The following LRIG3 variants were observed in gnomAD, a reference collection of about 807,000 sequenced individuals.
The protein encoded by LRIG3 is leucine rich repeats and immunoglobulin like domains 3.
LRIG3 carries 76 observed loss-of-function variants against 114.5 expected under a neutral mutation model. That is an observed-to-expected ratio of 0.66 (90% CI 0.55 to 0.80). The LOEUF (loss-of-function observed/expected upper bound fraction) is 0.80, where lower values mean the gene tolerates loss of function less well. Ranked by LOEUF, LRIG3 falls within the 30% of genes least tolerant of loss-of-function variation. The probability of loss-of-function intolerance (pLI) is 0.00; values close to 1 mark genes in which losing one functional copy is unlikely to be tolerated. For synonymous variants in LRIG3, 512 were observed against 519.8 expected, an observed-to-expected ratio of 0.98 and a Z score of 0.20; for missense variants, 1,239 against 1,382.8, an observed-to-expected ratio of 0.90 and a Z score of 1.65.
chr12:58,887,015 A>T, intron 8 of LRIG3, 125 bp from the exon 9 acceptor site: 1 of 625,830 alleles, frequency 1.6e-6, no homozygotes, highest in Non-Finnish European at 2.8e-6. Flanking sequence ...CCTCTCTCAA[A>T]ATAATAGAAA....
chr12:58,887,054 C>A, intron 8 of LRIG3, 164 bp from the exon 9 acceptor site: 1 of 561,444 alleles, frequency 1.8e-6, no homozygotes, highest in South Asian at 2.5e-5. Context: ...ACCTCTTACA[C>A]CCTGCCTGAT....
intron 3 of LRIG3, among the ~76,000 whole-genome samples, chr12:58,899,894 C>A (rs1871782710): frequency 6.6e-6 from 1 of 152,170 alleles, no homozygotes; most frequent in Admixed American, 6.5e-5. Context: ...CTCCAATCTC[C>A]AGTCTGGTGA....
chr12:58,873,946 C>A, intron 18 of LRIG3, 109 bp downstream of exon 18: 2 of 1,345,744 alleles, frequency 1.5e-6, no homozygotes, highest in Non-Finnish European at 1.0e-6. Context: ...CAGCCTCATT[C>A]AAGAAACCAT....
intron 1 of LRIG3, among the ~76,000 whole-genome samples, chr12:58,918,944 C>T (rs568152846): frequency 1.3e-5 from 2 of 152,318 alleles, no homozygotes; most frequent in East Asian, 3.9e-4. Context: ...TTCTTAAACA[C>T]CTGACCAAAC....
At chr12:58,913,363 T>C (rs1221105888) in intron 3 of LRIG3, 3 of 152,356 alleles carry the variant, frequency 2.0e-5, no homozygotes, top group South Asian at 2.1e-4. Flanking sequence ...CGTCAGTGCA[T>C]GTATATACAA....
At chr12:58,883,118 C>A in intron 11 of LRIG3, 86 bp from the exon 12 acceptor site, 1 of 1,366,034 alleles carries the variant, frequency 7.3e-7, no homozygotes, top group Non-Finnish European at 9.9e-7. Context: ...ATTAACAAAG[C>A]AATGAATTTG....
intron 14 of LRIG3, among the ~76,000 whole-genome samples, chr12:58,878,166 C>T (rs530411383): frequency 1.4e-3 from 208 of 151,752 alleles, no homozygotes; most frequent in Non-Finnish European, 2.1e-3. Flanking sequence ...ATAGAAAGTA[C>T]AAAAATAATT....
In LRIG3 at chr12:58,903,256, C is replaced by A. The variant is rs200836550; in HGVS notation, c.383+10726G>T. Among the ~76,000 whole-genome samples the A allele has an allele frequency of 1.7e-4, 26 of 152,244 alleles. No individual in the cohort carries two copies. In the East Asian group the frequency reaches 2.9e-3, roughly 17 times the overall value. On this transcript the variant is annotated intron_variant, in intron 3 of 18. Coordinates refer to ENST00000320743, the MANE Select transcript of LRIG3 (RefSeq NM_153377.5). ...TGTTGTTTCCTGACCTTTTAATGAT[C>A]GCCATTCTAACTGGTGTGAGATGGT...
rs143684227 is a variant in LRIG3 at position 58,900,985 on chromosome 12, T to C, written c.384-10189A>G. ...TGTGGCCCCGTGCTGTCGACATTTG[T>C]ATGAACATAGAGACGTGAATGACCA... On this transcript the variant is annotated intron_variant, in intron 3 of 18. Transcript: ENST00000320743. 2.1e-3 allele frequency among the ~76,000 whole-genome samples: 323 copies of C among 152,292 alleles called. 2 individuals are homozygous for C. The highest frequency in any genetic ancestry group is 7.4e-3 in the African/African-American group (309 of 41,558).
At position 58,883,655 on chromosome 12, in the gene LRIG3, G is replaced by A. The variant is rs890689450; in HGVS notation, c.1245-64C>T. The A allele has an allele frequency of 9.3e-6, 12 of 1,291,174 alleles. No individual in the cohort carries two copies. In the East Asian group the frequency reaches 2.7e-4, roughly 29 times the overall value. 80.0% of individuals were successfully genotyped at this position (1,291,174 alleles called of 1,614,324 possible). On this transcript the variant is annotated intron_variant, in intron 10 of 18. Coordinates refer to ENST00000320743, the MANE Select transcript of LRIG3 (RefSeq NM_153377.5). ...CCATCATTTCGTGCTTTTGGACAAA[G>A]TTTGGGCCCCCACTGCCCACCCCAT...
Position 58,876,983 on chromosome 12 carries a change from C to T in LRIG3, c.2537-380G>A, listed in dbSNP as rs1208550581. On this transcript the variant is annotated intron_variant, in intron 15 of 18. Transcript: ENST00000320743. ...TTACTAATCAATATCTGACTTTGCA[C>T]ATACTAATCAAGTCACAGCTCCTCT... is the stretch of plus-strand genomic sequence containing the variant. 9.2e-5 allele frequency among the ~76,000 whole-genome samples: 14 copies of T among 152,308 alleles called. No homozygotes were observed. In the South Asian group the frequency reaches 1.7e-3, roughly 18 times the overall value.
At chr12:58,896,508 T>C (rs944303614) in intron 3 of LRIG3, among the ~76,000 whole-genome samples, 11 of 152,304 alleles carry the variant, frequency 7.2e-5, no homozygotes, top group African/African-American at 2.6e-4. Flanking sequence ...TGTATATCTG[T>C]CAATAGTTTT....
In LRIG3 at chr12:58,914,456, T is replaced by C. The variant is rs1872403162; in HGVS notation, c.237-120A>G. On this transcript the variant is annotated intron_variant, in intron 1 of 18. Transcript: ENST00000320743. ...AGCAGGAGAAATAATTGGTCTATTC[T>C]GTCCACAAACTAGATGGCAACCAAA... is the stretch of plus-strand genomic sequence containing the variant. 4.1e-6 allele frequency: 3 copies of C among 739,050 alleles called. No individual in the cohort carries two copies. The African/African-American group carries it at 5.3e-5, about 13-fold the overall frequency. The allele number at this position is 739,050 out of a possible 1,614,324, so 45.8% of individuals were successfully genotyped here.
chr12:58,912,302 C>G (rs1295246047), intron 3 of LRIG3, among the ~76,000 whole-genome samples: 1 of 152,128 alleles, frequency 6.6e-6, no homozygotes, highest in Non-Finnish European at 1.5e-5. Context: ...CGAGACCATC[C>G]TGGCTAACAC....
chr12:58,882,436 G>A (rs190799880), intron 12 of LRIG3, among the ~76,000 whole-genome samples: 8 of 151,872 alleles, frequency 5.3e-5, no homozygotes, highest in Admixed American at 2.6e-4. Context: ...ATGTTTTACC[G>A]ACCAATAGTT....
At chr12:58,908,650 T>C (rs956250557) in intron 3 of LRIG3, among the ~76,000 whole-genome samples, 2 of 152,220 alleles carry the variant, frequency 1.3e-5, no homozygotes, top group Non-Finnish European at 2.9e-5. Flanking sequence ...CAAGCATGCA[T>C]AGTTGAACAC....
At chr12:58,894,137 T>G (rs1300732638) in intron 3 of LRIG3, among the ~76,000 whole-genome samples, 1 of 152,214 alleles carries the variant, frequency 6.6e-6, no homozygotes, top group Admixed American at 6.5e-5. Flanking sequence ...AAAATTTTCC[T>G]TGCAGTAAAA....
intron 13 of LRIG3, 25 bp from the exon 14 acceptor site, chr12:58,879,130 C>T (rs1477049213): frequency 8.8e-6 from 14 of 1,589,906 alleles, no homozygotes; most frequent in Non-Finnish European, 1.2e-5. Flanking sequence ...ACAATATAGG[C>T]ATTAGCACAG....
chr12:58,886,715 A>C (rs1028512597), intron 9 of LRIG3, 95 bp downstream of exon 9: 2 of 989,054 alleles, frequency 2.0e-6, no homozygotes, highest in Non-Finnish European at 3.1e-6. Context: ...CTGATTTCTC[A>C]TCTCTTCATG....
Sources: allele counts gnomAD v4.1 joint callset (sites outside exome capture counted in the v4.1 genomes callset), GRCh38; gene constraint gnomAD v4.1.1; transcripts MANE v1.5; gene names NCBI Gene and HGNC (gene_info 2026-07-23, HGNC 2026-07-21).